The following MYOCD variants were observed in gnomAD, a reference collection of about 807,000 sequenced individuals.
MYOCD encodes the protein myocardin.
A neutral mutation model predicts 96.1 loss-of-function variants in MYOCD; 32 were observed. The ratio of observed to expected loss-of-function variants is 0.33; its 90% CI spans 0.25 to 0.45. The LOEUF is 0.45. Among genes scored for constraint, MYOCD ranks in the 20% least tolerant of loss-of-function variants. The pLI is 1.00. For missense variants in MYOCD, 1,133 were observed against 1,200.6 expected (o/e 0.94, Z 0.83); for synonymous variants, 469 against 469.0 (o/e 1.00, Z 0.00).
intron 1 of MYOCD, among the ~76,000 whole-genome samples, chr17:12,667,571 G>T (rs1909443722): frequency 6.6e-6 from 1 of 152,210 alleles, no homozygotes; most frequent in African/African-American, 2.4e-5. Context: ...GAAGAAGAGA[G>T]GATGTAGATT....
chr17:12,686,206 A>G (rs1024248032), intron 1 of MYOCD, among the ~76,000 whole-genome samples: 3 of 152,252 alleles, frequency 2.0e-5, no homozygotes, highest in Non-Finnish European at 2.9e-5. Context: ...ACCTTGGTCA[A>G]AAATGAAGCC....
At chr17:12,739,012 C>CATAT (rs1385750533) in intron 6 of MYOCD, among the ~76,000 whole-genome samples, 191 bp from the exon 7 acceptor site, 1 of 151,914 alleles carries the variant, frequency 6.6e-6, no homozygotes, top group African/African-American at 2.4e-5. Context: ...TACACATGTA[C>CATAT]ATATATATAC....
At chr17:12,696,263 C>A (rs1240229227) in intron 1 of MYOCD, among the ~76,000 whole-genome samples, 1 of 152,044 alleles carries the variant, frequency 6.6e-6, no homozygotes, top group Non-Finnish European at 1.5e-5. Context: ...CAAGTGTGAG[C>A]CACTGTGCCC....
intron 12 of MYOCD, among the ~76,000 whole-genome samples, chr17:12,758,994 G>A: frequency 6.6e-6 from 1 of 151,938 alleles, no homozygotes; most frequent in East Asian, 1.9e-4. Context: ...GTTGCAGTGA[G>A]CCGAGTTTGT....
rs137990450 is a variant in MYOCD at position 12,755,920 on chromosome 17, T to C, written c.2059-494T>C. On this transcript the variant is annotated intron_variant, in intron 10 of 13. Coordinates refer to ENST00000425538, the MANE Select transcript of MYOCD (RefSeq NM_001146312.3). ...AATAAAGAACAATATAGGTTAACAA[T>C]GACTGATCTATGCTTACAACATTAA... 2.2e-3 allele frequency among the ~76,000 whole-genome samples: 328 copies of C among 152,160 alleles called. 2 individuals are homozygous for C. The highest frequency in any genetic ancestry group is 7.1e-3 in the African/African-American group (293 of 41,532).
At chr17:12,730,959 A>C (rs754467857) in intron 5 of MYOCD, among the ~76,000 whole-genome samples, 18 of 152,232 alleles carry the variant, frequency 1.2e-4, no homozygotes, top group South Asian at 4.1e-4. Flanking sequence ...TGACTCATTC[A>C]TCTGATCACT....
intron 12 of MYOCD, 139 bp downstream of exon 12, chr17:12,758,352 A>G (rs2033072567): frequency 1.6e-6 from 2 of 1,256,200 alleles, no homozygotes; most frequent in African/African-American, 1.5e-5. Context: ...TAAGCAAATT[A>G]TCTAGACAAT....
chr17:12,679,551 T>C (rs2150638252), intron 1 of MYOCD, among the ~76,000 whole-genome samples: 1 of 152,318 alleles, frequency 6.6e-6, no homozygotes, highest in Non-Finnish European at 1.5e-5. Flanking sequence ...TATACCTACA[T>C]TTATATATAT....
chr17:12,671,158 A>G lies in MYOCD; in HGVS notation c.55+4915A>G, dbSNP rs140119984. On this transcript the variant is annotated intron_variant, in intron 1 of 13. Transcript: ENST00000425538. ...TTCGTGTTTGGTTTTTACTGTCTTT[A>G]TTCTCTAGCACCTAACATAGTTTAT... 1.8e-3 allele frequency among the ~76,000 whole-genome samples: 270 copies of G among 152,270 alleles called. 9 individuals carry two copies. The East Asian group carries it at 0.043, about 24-fold the overall frequency.
At chr17:12,688,550 TCTTC>T (rs142177842) in intron 1 of MYOCD, among the ~76,000 whole-genome samples, 74 of 99,352 alleles carry the variant, frequency 7.4e-4, no homozygotes, top group South Asian at 1.4e-3. Flanking sequence ...CCTTCCATCT[TCTTC>T]CTTCCTTCCT....
intron 5 of MYOCD, among the ~76,000 whole-genome samples, chr17:12,734,967 G>A (rs901955217): frequency 1.3e-5 from 2 of 152,214 alleles, no homozygotes; most frequent in African/African-American, 4.8e-5. Context: ...GCCTGTGACT[G>A]GAGTTTCCCC....
chr17:12,684,391 T>C, intron 1 of MYOCD, among the ~76,000 whole-genome samples: 1 of 152,170 alleles, frequency 6.6e-6, no homozygotes, highest in East Asian at 1.9e-4. Flanking sequence ...TCCATGGCCC[T>C]CTTTTTCTGA....
At chr17:12,710,559 G>A in intron 2 of MYOCD, 1 of 973,538 alleles carries the variant, frequency 1.0e-6, no homozygotes, top group East Asian at 1.1e-4. Context: ...GAATTTTGTG[G>A]TACTTCTGAA....
rs770187019 is a variant in MYOCD, at chr17:12,763,277, T to G, written c.2594T>G (p.Leu865Arg). The G allele has an allele frequency of 6.2e-7, 1 of 1,613,364 alleles. No homozygotes were observed. Among genetic ancestry groups the G allele is most frequent in the East Asian group, 2.2e-5 (1 of 44,872 alleles). The change falls in exon 14 of 14, where the codon CTA becomes CGA. Residue 865 changes from leucine to arginine, a missense_variant. Coordinates refer to ENST00000425538, the MANE Select transcript of MYOCD (RefSeq NM_001146312.3). ...GTCTTATTAAATTCCCAGAGCCCCCTAGGAAAGATGAGTGATGTCACCCTT... is the reference window on the plus strand; with the variant it reads ...GTCTTATTAAATTCCCAGAGCCCCCGAGGAAAGATGAGTGATGTCACCCTT... ...LEVLLNSQSPLGKMSDVTLLK... is the reference protein window; with the variant it reads ...LEVLLNSQSPRGKMSDVTLLK...
rs2150731256 is a variant in MYOCD, at chr17:12,763,335, T to A, written c.2652T>A (p.Asp884Glu). The A allele has an allele frequency of 6.2e-7, 1 of 1,605,654 alleles. No homozygotes were observed. The highest frequency in any genetic ancestry group is 1.7e-5 in the Admixed American group (1 of 58,896). The change falls in exon 14 of 14, where the codon GAT becomes GAA. Residue 884 changes from aspartate to glutamate, a missense_variant. By Grantham distance (45) the Asp-to-Glu change is conservative. Transcript: ENST00000425538. ...LKIGSEEPHF[D>E]GIMDGFSGKA... ...TTGGGAGCGAAGAGCCTCACTTTGA[T>A]GGGATAATGGATGGATTCTCTGGGA...
chr17:12,741,813 G>A (rs1209038942), intron 7 of MYOCD, among the ~76,000 whole-genome samples: 1 of 151,936 alleles, frequency 6.6e-6, no homozygotes, highest in African/African-American at 2.4e-5. Flanking sequence ...TGAAAAAGGC[G>A]ATTCTTACAG....
rs375791329 is a variant in MYOCD, at chr17:12,763,058, G to A, written c.2390-15G>A. On this transcript the variant is annotated splice_polypyrimidine_tract_variant and intron_variant, in intron 13 of 13. Coordinates refer to ENST00000425538, the MANE Select transcript of MYOCD (RefSeq NM_001146312.3). Reference sequence around the variant, plus strand: ...TTGAAGTGATTTAACAAGTCACATCGTGTATTGCCCACAGAAATGCCAGCA... The same window carrying A: ...TTGAAGTGATTTAACAAGTCACATCATGTATTGCCCACAGAAATGCCAGCA... 2.7e-5 allele frequency: 43 copies of A among 1,590,118 alleles called. No homozygotes were observed. The highest frequency in any genetic ancestry group is 8.9e-5 in the East Asian group (4 of 44,710).
In MYOCD at chr17:12,669,368, C is replaced by T. The variant is rs568204029; in HGVS notation, c.55+3125C>T. 3.3e-5 allele frequency among the ~76,000 whole-genome samples: 5 copies of T among 152,308 alleles called. No individual in the cohort carries two copies. In the South Asian group the frequency reaches 1.0e-3, roughly 32 times the overall value. ...GCTTCTCTCTCTCTCTTTCCCACTTCCCCATCTTAAACCGCGCAAACAGAG... is the reference window on the plus strand; with the variant it reads ...GCTTCTCTCTCTCTCTTTCCCACTTTCCCATCTTAAACCGCGCAAACAGAG... On this transcript the variant is annotated intron_variant, in intron 1 of 13. Transcript: ENST00000425538.
intron 5 of MYOCD, among the ~76,000 whole-genome samples, chr17:12,726,554 T>C (rs938626444): frequency 6.6e-6 from 1 of 152,224 alleles, no homozygotes; most frequent in Non-Finnish European, 1.5e-5. Flanking sequence ...TACAAATGGC[T>C]GAGAAAGGTA....
Sources: allele counts gnomAD v4.1 joint callset (sites outside exome capture counted in the v4.1 genomes callset), GRCh38; gene constraint gnomAD v4.1.1; transcripts MANE v1.5; gene names NCBI Gene and HGNC (gene_info 2026-07-23, HGNC 2026-07-21).